DIAPH3: variants seen among roughly 807,000 people sequenced by gnomAD.
DIAPH3 encodes the protein diaphanous related formin 3, also known as protein diaphanous homolog 3.
Under a neutral mutation model 144.3 loss-of-function variants are expected in DIAPH3, and 117 were observed. The observed-to-expected ratio is 0.81, with a 90% confidence interval of 0.70 to 0.95. DIAPH3 has a LOEUF of 0.95. DIAPH3 is among the 40% of genes least tolerant of loss of function. DIAPH3 has a pLI of 0.00. For missense variants in DIAPH3, 1,421 were observed against 1,412.7 expected (o/e 1.01, Z -0.09); for synonymous variants, 519 against 488.9 (o/e 1.06, Z -0.81).
chr13:59,888,324 G>A (rs1300022832), intron 20 of DIAPH3, among the ~76,000 whole-genome samples: 1 of 152,058 alleles, frequency 6.6e-6, no homozygotes, highest in Non-Finnish European at 1.5e-5. Flanking sequence ...CACCAGAAAT[G>A]GAGTCGGCCA....
At chr13:60,067,154 A>T (rs543118819) in intron 4 of DIAPH3, among the ~76,000 whole-genome samples, 1 of 151,986 alleles carries the variant, frequency 6.6e-6, no homozygotes, top group Non-Finnish European at 1.5e-5. Flanking sequence ...GCATGGTGGC[A>T]TATGCCTGTA....
chr13:59,719,294 T>C (rs1188625262), intron 27 of DIAPH3, among the ~76,000 whole-genome samples: 1 of 152,228 alleles, frequency 6.6e-6, no homozygotes, highest in Non-Finnish European at 1.5e-5. Context: ...GAGAGCCACA[T>C]TTTTACTTAG....
intron 22 of DIAPH3, among the ~76,000 whole-genome samples, chr13:59,851,888 G>T (rs1403881827): frequency 6.6e-6 from 1 of 152,074 alleles, no homozygotes; most frequent in Non-Finnish European, 1.5e-5. Context: ...AAAGTGCTGG[G>T]ATTACAGGCG....
At chr13:59,836,331 AC>A (rs1204884447) in intron 23 of DIAPH3, among the ~76,000 whole-genome samples, 1 of 151,848 alleles carries the variant, frequency 6.6e-6, no homozygotes, top group African/African-American at 2.4e-5. Context: ...CGTACACCTC[AC>A]ATATAATAGC....
At chr13:60,162,809 T>TCTCACA (rs1555388530) in intron 1 of DIAPH3, among the ~76,000 whole-genome samples, 296 of 122,508 alleles carry the variant, frequency 2.4e-3, no homozygotes, top group South Asian at 5.6e-3. Flanking sequence ...TCTCTCTCTC[T>TCTCACA]CACACACACA....
At chr13:59,881,855 G>C (rs2045073572) in intron 20 of DIAPH3, among the ~76,000 whole-genome samples, 1 of 152,006 alleles carries the variant, frequency 6.6e-6, no homozygotes, top group East Asian at 1.9e-4. Context: ...TTTCTTCCAA[G>C]TTTAGATAAA....
At chr13:59,667,684 C>A (rs1184221803) in intron 27 of DIAPH3, among the ~76,000 whole-genome samples, 1 of 152,158 alleles carries the variant, frequency 6.6e-6, no homozygotes, top group African/African-American at 2.4e-5. Context: ...CACATACATT[C>A]TTTTATTGGT....
intron 25 of DIAPH3, among the ~76,000 whole-genome samples, chr13:59,786,418 A>G (rs1297112322): frequency 2.0e-5 from 3 of 152,172 alleles, no homozygotes; most frequent in African/African-American, 7.2e-5. Context: ...AAAAATGGTA[A>G]TATAAATATA....
intron 27 of DIAPH3, among the ~76,000 whole-genome samples, chr13:59,682,725 TATA>T (rs147372256): frequency 1.1e-3 from 165 of 152,324 alleles, no homozygotes; most frequent in African/African-American, 3.7e-3. Context: ...AATCATTGTC[TATA>T]ATAATCTTTC....
At chr13:59,965,992 C>T (rs959122055) in intron 17 of DIAPH3, among the ~76,000 whole-genome samples, 1 of 151,990 alleles carries the variant, frequency 6.6e-6, no homozygotes, top group African/African-American at 2.4e-5. Flanking sequence ...ATATACATTT[C>T]CAGAATAATT....
intron 1 of DIAPH3, among the ~76,000 whole-genome samples, chr13:60,146,276 T>G (rs1402576549): frequency 1.3e-5 from 2 of 152,116 alleles, no homozygotes; most frequent in Non-Finnish European, 2.9e-5. Context: ...GCAGGCTGGG[T>G]CATAAAGACC....
At chr13:60,138,420 A>C (rs1478905426) in intron 1 of DIAPH3, among the ~76,000 whole-genome samples, 1 of 152,216 alleles carries the variant, frequency 6.6e-6, no homozygotes, top group Non-Finnish European at 1.5e-5. Context: ...AAAACTGGAC[A>C]TACCTGAAAC....
rs1201413174 is a variant in DIAPH3 at position 59,666,753 on chromosome 13, T to C, written c.3413A>G (p.Tyr1138Cys). The C allele has an allele frequency of 6.2e-7, 1 of 1,614,154 alleles. No individual in the cohort carries two copies. Among genetic ancestry groups the C allele is most frequent in the Admixed American group, 1.7e-5 (1 of 60,020 alleles). ...AGTAGACGTATGAGTGTCTAGATTA[T>C]AATTAAGCTCCTTGGCGACTGGAGT... is the stretch of plus-strand genomic sequence containing the variant. ...TRTPVAKELN[Y>C]NLDTHTSTGR... The change falls in exon 28 of 28, where the codon TAT becomes TGT. Residue 1138 changes from tyrosine (Y) to cysteine (C), a missense_variant. Transcript: ENST00000400324.
chr13:59,990,199 A>G (rs553461853), intron 12 of DIAPH3, among the ~76,000 whole-genome samples: 30 of 151,976 alleles, frequency 2.0e-4, no homozygotes, highest in African/African-American at 5.8e-4. Context: ...CTACAAAGAG[A>G]GTAATTTTGA....
chr13:59,885,998 G>A (rs1212618404), intron 20 of DIAPH3, among the ~76,000 whole-genome samples: 1 of 151,838 alleles, frequency 6.6e-6, no homozygotes, highest in Non-Finnish European at 1.5e-5. Flanking sequence ...ACTAATACAG[G>A]CTATTTTAAT....
At chr13:60,068,880 C>T (rs1319217503) in intron 4 of DIAPH3, among the ~76,000 whole-genome samples, 3 of 152,116 alleles carry the variant, frequency 2.0e-5, no homozygotes, top group African/African-American at 7.2e-5. Flanking sequence ...TTGCTTTATG[C>T]AGTTCACTGT....
At chr13:59,806,782 CAATAA>C (rs2040220203) in intron 25 of DIAPH3, among the ~76,000 whole-genome samples, 1 of 151,396 alleles carries the variant, frequency 6.6e-6, no homozygotes, top group African/African-American at 2.4e-5. Context: ...CGTTTTTTAC[CAATAA>C]AATAATAATA....
At chr13:59,880,574 A>T (rs1456445100) in intron 20 of DIAPH3, among the ~76,000 whole-genome samples, 1 of 152,180 alleles carries the variant, frequency 6.6e-6, no homozygotes, top group Non-Finnish European at 1.5e-5. Context: ...AGCTCATAAT[A>T]TAATAATGAC....
chr13:59,873,748 C>A (rs192744349), intron 21 of DIAPH3, among the ~76,000 whole-genome samples: 254 of 150,550 alleles, frequency 1.7e-3, no homozygotes, highest in African/African-American at 6.0e-3. Context: ...CTCACTGCAA[C>A]CTCCGCCTCC....
Sources: allele counts gnomAD v4.1 joint callset (sites outside exome capture counted in the v4.1 genomes callset), GRCh38; gene constraint gnomAD v4.1.1; transcripts MANE v1.5; gene names NCBI Gene and HGNC (gene_info 2026-07-23, HGNC 2026-07-21).